The following KIAA0825 variants were observed in gnomAD, a reference collection of about 807,000 sequenced individuals.
The protein encoded by KIAA0825 is KIAA0825.
A neutral mutation model predicts 147.6 loss-of-function variants in KIAA0825; 119 were observed. That is an observed-to-expected ratio of 0.81 (90% confidence interval 0.69 to 0.94). The LOEUF (loss-of-function observed/expected upper bound fraction) is 0.94, where lower values mean the gene tolerates loss of function less well. Ranked by LOEUF, KIAA0825 falls within the 40% of genes least tolerant of loss-of-function variation. KIAA0825 has a pLI of 0.00. For synonymous variants in KIAA0825, 470 were observed against 518.1 expected, an observed-to-expected ratio of 0.91 and a Z score of 1.26; for missense variants, 1,381 against 1,472.7, an observed-to-expected ratio of 0.94 and a Z score of 1.02.
At chr5:94,469,860 G>A in intron 10 of KIAA0825, 101 bp downstream of exon 10, 1 of 860,216 alleles carries the variant, frequency 1.2e-6, no homozygotes, top group Non-Finnish European at 1.7e-6. Flanking sequence ...CAGCCTTCGG[G>A]TATTAGTAAT....
At chr5:94,442,118 G>C (rs1757157781) in intron 13 of KIAA0825, among the ~76,000 whole-genome samples, 1 of 151,866 alleles carries the variant, frequency 6.6e-6, no homozygotes, top group African/African-American at 2.4e-5. Flanking sequence ...CAAACTTATA[G>C]AAAAAAAATG....
At chr5:94,532,170 C>T (rs980811698) in intron 3 of KIAA0825, among the ~76,000 whole-genome samples, 10 of 152,128 alleles carry the variant, frequency 6.6e-5, no homozygotes, top group African/African-American at 1.9e-4. Context: ...ATTTTTGAGA[C>T]AGGGTCTCAC....
In KIAA0825 at chr5:94,605,858, G is replaced by T. The variant is rs138880878; in HGVS notation, c.-153+12642C>A. On this transcript the variant is annotated intron_variant, in intron 1 of 20. Transcript: ENST00000682413. ...GCAGTTTCCCCTTGAAAACTGGCAT[G>T]AGGATGCCCTCTCTCGCCACTTCCA... Among the ~76,000 whole-genome samples, 34 of 151,820 alleles carry T rather than the reference G, an allele frequency of 2.2e-4. No individual in the cohort carries two copies. In the East Asian group the frequency reaches 6.4e-3, roughly 29 times the overall value.
chr5:94,607,883 T>A (rs557566024), intron 1 of KIAA0825, among the ~76,000 whole-genome samples: 3 of 152,260 alleles, frequency 2.0e-5, no homozygotes, highest in Admixed American at 2.0e-4. Flanking sequence ...GTGGCCCACT[T>A]CCTCCATTTT....
At chr5:94,566,108 C>A (rs1230330681) in intron 2 of KIAA0825, among the ~76,000 whole-genome samples, 1 of 152,120 alleles carries the variant, frequency 6.6e-6, no homozygotes, top group African/African-American at 2.4e-5. Flanking sequence ...ACAGAATTTC[C>A]TTTTCTAAGG....
intron 2 of KIAA0825, among the ~76,000 whole-genome samples, chr5:94,571,258 A>G (rs990438137): frequency 6.6e-6 from 1 of 152,256 alleles, no homozygotes; most frequent in Non-Finnish European, 1.5e-5. Flanking sequence ...TAATATTCAC[A>G]ATACTGTCAA....
chr5:94,445,978 G>A (rs141735450), intron 13 of KIAA0825, among the ~76,000 whole-genome samples: 47 of 152,134 alleles, frequency 3.1e-4, no homozygotes, highest in African/African-American at 1.0e-3. Context: ...CCTCAGTCCC[G>A]CAGAGCAGTT....
chr5:94,608,938 T>G (rs964813434), intron 1 of KIAA0825, among the ~76,000 whole-genome samples: 1 of 152,122 alleles, frequency 6.6e-6, no homozygotes, highest in African/African-American at 2.4e-5. Flanking sequence ...GAATCAATAT[T>G]TTCCAAAAGG....
Position 94,339,114 on chromosome 5 carries a change from G to T in KIAA0825, c.3710+45254C>A, listed in dbSNP as rs572786377. Among the ~76,000 whole-genome samples, 9 of 151,616 alleles carry T rather than the reference G, an allele frequency of 5.9e-5. No individual in the cohort carries two copies. In the South Asian group the frequency reaches 1.9e-3, roughly 32 times the overall value. On this transcript the variant is annotated intron_variant, in intron 20 of 20. Coordinates refer to ENST00000682413, the MANE Select transcript of KIAA0825 (RefSeq NM_001145678.3). ...ACCAAAATTGAACTTGTTTTATACC[G>T]CTCTGCAAAATAAGCTGTTCGTAGA...
rs1772394999 is a variant in KIAA0825, at chr5:94,208,371, T to A, written c.3711-54247A>T. Among the ~76,000 whole-genome samples, 5 of 152,312 alleles carry A rather than the reference T, an allele frequency of 3.3e-5. No individual in the cohort carries two copies. The South Asian group carries it at 1.0e-3, about 32-fold the overall frequency. On this transcript the variant is annotated intron_variant, in intron 20 of 20. Coordinates refer to ENST00000682413, the MANE Select transcript of KIAA0825 (RefSeq NM_001145678.3). ...AAAAGCATAAAGCTTAGGTTTGAATTAACTAACATCTATTATTCAACAATT... is the reference window on the plus strand; with the variant it reads ...AAAAGCATAAAGCTTAGGTTTGAATAAACTAACATCTATTATTCAACAATT...
At chr5:94,493,590 G>A (rs1277406203) in intron 5 of KIAA0825, among the ~76,000 whole-genome samples, 2 of 152,112 alleles carry the variant, frequency 1.3e-5, no homozygotes, top group Non-Finnish European at 2.9e-5. Context: ...CCGGGTTCAC[G>A]CCATTCTCCT....
chr5:94,484,489 T>C (rs1762822781), intron 6 of KIAA0825, among the ~76,000 whole-genome samples: 1 of 151,794 alleles, frequency 6.6e-6, no homozygotes, highest in Non-Finnish European at 1.5e-5. Flanking sequence ...ATAGGCTAGT[T>C]GTGTTTCTTT....
At chr5:94,208,081 A>T (rs1772370754) in intron 20 of KIAA0825, among the ~76,000 whole-genome samples, 2 of 152,314 alleles carry the variant, frequency 1.3e-5, no homozygotes, top group South Asian at 4.1e-4. Flanking sequence ...TATTTTTTCC[A>T]GCAAATTAAT....
At chr5:94,235,016 T>G (rs1184815566) in intron 20 of KIAA0825, among the ~76,000 whole-genome samples, 1 of 151,860 alleles carries the variant, frequency 6.6e-6, no homozygotes, top group Non-Finnish European at 1.5e-5. Flanking sequence ...GGCCTCCCTC[T>G]TTCCTCAGGC....
chr5:94,238,226 A>G (rs948536225), intron 20 of KIAA0825, among the ~76,000 whole-genome samples: 3 of 152,216 alleles, frequency 2.0e-5, no homozygotes. Context: ...GCAAAATGGT[A>G]GCTCAAGATC....
At chr5:94,507,030 CA>C (rs1164828737) in intron 5 of KIAA0825, among the ~76,000 whole-genome samples, 2 of 151,788 alleles carry the variant, frequency 1.3e-5, no homozygotes, top group African/African-American at 2.4e-5. Flanking sequence ...AACAAAATAC[CA>C]AAAAAATAAG....
chr5:94,411,960 C>T (rs79987311), intron 15 of KIAA0825, among the ~76,000 whole-genome samples: 2 of 148,022 alleles, frequency 1.4e-5, no homozygotes, highest in African/African-American at 5.0e-5. Context: ...AAAAAAAAAA[C>T]TGATAAACTG....
At chr5:94,197,408 C>G (rs1176489916) in intron 20 of KIAA0825, among the ~76,000 whole-genome samples, 2 of 152,134 alleles carry the variant, frequency 1.3e-5, no homozygotes, top group East Asian at 3.9e-4. Flanking sequence ...TTCTCCTATT[C>G]TGTAGGTTGT....
intron 1 of KIAA0825, among the ~76,000 whole-genome samples, chr5:94,617,651 G>A (rs1364465321): frequency 6.6e-6 from 1 of 152,206 alleles, no homozygotes; most frequent in Non-Finnish European, 1.5e-5. Context: ...AAGGTGGCAA[G>A]TGAAAACTAG....
Sources: allele counts gnomAD v4.1 joint callset (sites outside exome capture counted in the v4.1 genomes callset), GRCh38; gene constraint gnomAD v4.1.1; transcripts MANE v1.5; gene names NCBI Gene and HGNC (gene_info 2026-07-23, HGNC 2026-07-21).